The following PCDHA4 variants were observed in gnomAD, a reference collection of about 807,000 sequenced individuals.
PCDHA4 encodes protocadherin alpha 4.
Under a neutral mutation model 61.4 loss-of-function variants are expected in PCDHA4, and 49 were observed. That is an observed-to-expected ratio of 0.80 (90% CI 0.63 to 1.01). PCDHA4 has a LOEUF of 1.01. Ranked by LOEUF, PCDHA4 falls within the 50% of genes least tolerant of loss-of-function variation. The pLI is 0.00. For missense variants in PCDHA4, 1,254 were observed against 1,235.8 expected (o/e 1.01, Z -0.22); for synonymous variants, 590 against 550.3 (o/e 1.07, Z -1.01).
At chr5:140,876,061 C>T (rs782151232) in intron 1 of PCDHA4, 17 of 1,613,778 alleles carry the variant, frequency 1.1e-5, no homozygotes, top group African/African-American at 1.3e-5. Context: ...ATTAGTTCTT[C>T]GGAAGTTATT....
At chr5:140,828,377 T>C in intron 1 of PCDHA4, 1 of 1,614,222 alleles carries the variant, frequency 6.2e-7, no homozygotes, top group Non-Finnish European at 8.5e-7. Flanking sequence ...CGAGGAGCTG[T>C]GCGGGCGGAG....
chr5:140,829,682 C>T (rs1770489810), intron 1 of PCDHA4: 1 of 1,613,140 alleles, frequency 6.2e-7, no homozygotes, highest in Admixed American at 1.7e-5. Flanking sequence ...GCTAGAGCTG[C>T]TGCAGTTTCA....
intron 1 of PCDHA4, chr5:140,967,749 C>A (rs1554229896): frequency 1.2e-6 from 2 of 1,614,172 alleles, no homozygotes; most frequent in Non-Finnish European, 1.7e-6. Context: ...TATGAGGAAG[C>A]CTCCTCCTAC....
rs2150226438 is a variant in PCDHA4, at chr5:140,834,780, T to A, written c.2385+25208T>A. ...GGACATTAACGACAACCCTCCGGTGTTCCCAGCGACACAAAGGAATCTGTT... is the reference window on the plus strand; with the variant it reads ...GGACATTAACGACAACCCTCCGGTGATCCCAGCGACACAAAGGAATCTGTT... On this transcript the variant is annotated intron_variant, in intron 1 of 3. Coordinates refer to ENST00000530339, the MANE Select transcript of PCDHA4 (RefSeq NM_018907.4). 3.1e-6 allele frequency: 5 copies of A among 1,613,846 alleles called. No homozygotes were observed. The South Asian group carries it at 3.3e-5, about 11-fold the overall frequency.
intron 1 of PCDHA4, chr5:140,871,274 C>T (rs1554165360): frequency 6.2e-7 from 1 of 1,613,824 alleles, no homozygotes; most frequent in East Asian, 2.2e-5. Flanking sequence ...TGGTGGTCGG[C>T]AACGCCCACT....
At chr5:140,810,656 G>A (rs1215251146) in intron 1 of PCDHA4, 1 of 143,766 alleles carries the variant, frequency 7.0e-6, no homozygotes, top group African/African-American at 2.7e-5. Context: ...TCTCTAGTCT[G>A]TTGTTTTTCT....
intron 3 of PCDHA4, among the ~76,000 whole-genome samples, chr5:140,985,406 GA>G (rs1554247033): frequency 6.6e-6 from 1 of 152,136 alleles, no homozygotes; most frequent in Non-Finnish European, 1.5e-5. Flanking sequence ...TGTTCCCCTG[GA>G]AATGGAGTGA....
chr5:140,902,290 A>G (rs1252691615), intron 1 of PCDHA4, among the ~76,000 whole-genome samples: 1 of 146,394 alleles, frequency 6.8e-6, no homozygotes, highest in Non-Finnish European at 1.5e-5. Context: ...CTCCTGCCTC[A>G]GCCTCCCAAA....
intron 1 of PCDHA4, among the ~76,000 whole-genome samples, chr5:140,907,882 G>T (rs895415928): frequency 6.6e-6 from 1 of 152,168 alleles, no homozygotes; most frequent in Non-Finnish European, 1.5e-5. Context: ...GCACTCACAT[G>T]GGATACAAAT....
chr5:140,889,831 T>C (rs2062398202), intron 1 of PCDHA4, among the ~76,000 whole-genome samples: 1 of 152,138 alleles, frequency 6.6e-6, no homozygotes, highest in African/African-American at 2.4e-5. Flanking sequence ...AGTCTTACAG[T>C]ATGCTTTGGT....
At chr5:140,973,665 T>G (rs1309458037) in intron 1 of PCDHA4, among the ~76,000 whole-genome samples, 1 of 152,248 alleles carries the variant, frequency 6.6e-6, no homozygotes, top group African/African-American at 2.4e-5. Context: ...CTATTTATTG[T>G]AGCTTGAATG....
chr5:140,921,129 C>T (rs998046424), intron 1 of PCDHA4, among the ~76,000 whole-genome samples: 1 of 139,232 alleles, frequency 7.2e-6, no homozygotes, highest in South Asian at 2.4e-4. Context: ...TACAGGTGCA[C>T]ACCACTACAC....
chr5:140,825,736 G>C (rs1270794593), intron 1 of PCDHA4: 2 of 152,316 alleles, frequency 1.3e-5, no homozygotes, highest in Non-Finnish European at 2.9e-5. Flanking sequence ...TTATTATATT[G>C]ATGAGGAGTA....
chr5:140,832,454 T>C lies in PCDHA4; in HGVS notation c.2385+22882T>C, dbSNP rs193078566. Among the ~76,000 whole-genome samples, 274 of 152,332 alleles carry C rather than the reference T, an allele frequency of 1.8e-3. 1 individual carries two copies. The highest frequency in any genetic ancestry group is 6.5e-3 in the African/African-American group (271 of 41,598). ...TAATTTTTAAGCGTGTAATTAATAT[T>C]GCACTAAAATTTAAAAAAACTAACT... On this transcript the variant is annotated intron_variant, in intron 1 of 3. Transcript: ENST00000530339.
chr5:140,985,739 CTTTTTTTTT>C (rs11372071), intron 3 of PCDHA4, among the ~76,000 whole-genome samples: 4 of 117,922 alleles, frequency 3.4e-5, no homozygotes, highest in African/African-American at 3.2e-5. Flanking sequence ...TGATGAATTC[CTTTTTTTTT>C]TTTTTTTTTT....
intron 3 of PCDHA4, among the ~76,000 whole-genome samples, chr5:141,002,939 A>G (rs2098103546): frequency 6.6e-6 from 1 of 152,238 alleles, no homozygotes; most frequent in Admixed American, 6.5e-5. Context: ...AACACCCTCC[A>G]GCACATGCCC....
chr5:140,902,963 G>T (rs2069893804), intron 1 of PCDHA4, among the ~76,000 whole-genome samples: 1 of 152,180 alleles, frequency 6.6e-6, no homozygotes, highest in Non-Finnish European at 1.5e-5. Context: ...CTTGTTGGCT[G>T]ATGGGCATTT....
At chr5:140,973,040 T>G (rs529820612) in intron 1 of PCDHA4, among the ~76,000 whole-genome samples, 23 of 152,264 alleles carry the variant, frequency 1.5e-4, no homozygotes, top group African/African-American at 5.5e-4. Flanking sequence ...CTTTGAGTAC[T>G]CTAGTAGATT....
intron 1 of PCDHA4, chr5:140,851,015 G>T: frequency 7.0e-7 from 1 of 1,432,294 alleles, no homozygotes. Flanking sequence ...TTTTTTTTCT[G>T]ATAAAGTAAA....
Sources: gnomAD v4.1 joint callset for allele counts (sites outside exome capture counted in the v4.1 genomes callset) on GRCh38, gnomAD v4.1.1 for gene constraint, MANE v1.5 for transcripts, NCBI Gene and HGNC (gene_info 2026-07-23, HGNC 2026-07-21) for gene names.